TNR: variants seen among roughly 807,000 people sequenced by gnomAD.
TNR encodes the protein tenascin R, also known as tenascin-R.
A neutral mutation model predicts 150.4 loss-of-function variants in TNR; 45 were observed. The observed-to-expected ratio is 0.30, with a 90% CI of 0.24 to 0.38. TNR has a LOEUF of 0.38. TNR is among the 10% of genes least tolerant of loss of function. The pLI is 1.00. For missense variants in TNR, 1,544 were observed against 1,759.1 expected, an observed-to-expected ratio of 0.88 and a Z score of 2.19; for synonymous variants, 687 against 678.4, an observed-to-expected ratio of 1.01 and a Z score of -0.20.
chr1:175,506,457 T>C (rs1557975391), intron 2 of TNR, among the ~76,000 whole-genome samples: 1 of 152,122 alleles, frequency 6.6e-6, no homozygotes, highest in Non-Finnish European at 1.5e-5. Flanking sequence ...TTTTTGGAAA[T>C]AGGACCATTA....
At chr1:175,521,697 A>T (rs1331438927) in intron 2 of TNR, among the ~76,000 whole-genome samples, 3 of 151,592 alleles carry the variant, frequency 2.0e-5, no homozygotes, top group Admixed American at 2.0e-4. Flanking sequence ...TGTCATGCTC[A>T]TTTGGCCTTC....
chr1:175,719,810 C>T (rs1667252059), intron 1 of TNR, among the ~76,000 whole-genome samples: 1 of 152,184 alleles, frequency 6.6e-6, no homozygotes, highest in South Asian at 2.1e-4. Flanking sequence ...TTCTAATACC[C>T]TCCCCATTCT....
chr1:175,595,119 A>G (rs1662958610), intron 1 of TNR, among the ~76,000 whole-genome samples: 1 of 152,100 alleles, frequency 6.6e-6, no homozygotes, highest in Admixed American at 6.5e-5. Flanking sequence ...GTGAGCCAAG[A>G]TTACACCACT....
chr1:175,369,173 G>A (rs570608378), intron 9 of TNR, among the ~76,000 whole-genome samples: 2 of 152,148 alleles, frequency 1.3e-5, no homozygotes, highest in Non-Finnish European at 2.9e-5. Context: ...ACAACCTTGG[G>A]AGGAAGGTGG....
At chr1:175,416,599 T>C (rs1194413896) in intron 2 of TNR, among the ~76,000 whole-genome samples, 2 of 152,200 alleles carry the variant, frequency 1.3e-5, no homozygotes, top group Non-Finnish European at 2.9e-5. Flanking sequence ...CTACATTTAA[T>C]ACAACTGCAA....
At chr1:175,716,770 G>GTGA (rs1433244848) in intron 1 of TNR, among the ~76,000 whole-genome samples, 7 of 152,214 alleles carry the variant, frequency 4.6e-5, no homozygotes, top group Non-Finnish European at 8.8e-5. Context: ...GCCTGCTCAG[G>GTGA]TGACTCTAAT....
intron 1 of TNR, among the ~76,000 whole-genome samples, chr1:175,697,746 T>C (rs1188078191): frequency 6.6e-6 from 1 of 152,228 alleles, no homozygotes; most frequent in South Asian, 2.1e-4. Context: ...GACTTGGCCC[T>C]GCCATGGGCC....
intron 18 of TNR, among the ~76,000 whole-genome samples, chr1:175,345,316 C>A (rs1463371412): frequency 6.6e-6 from 1 of 152,114 alleles, no homozygotes; most frequent in Non-Finnish European, 1.5e-5. Flanking sequence ...GAGCCGATAA[C>A]CCCAAAGGGA....
chr1:175,717,052 C>T (rs370755482), intron 1 of TNR, among the ~76,000 whole-genome samples: 1 of 152,184 alleles, frequency 6.6e-6, no homozygotes, highest in East Asian at 1.9e-4. Flanking sequence ...TGCCCTTCCT[C>T]GTACTATGCT....
chr1:175,486,983 T>C (rs752477836), intron 2 of TNR, among the ~76,000 whole-genome samples: 1 of 152,260 alleles, frequency 6.6e-6, no homozygotes, highest in Non-Finnish European at 1.5e-5. Context: ...TGTTTTTTTC[T>C]TGTAAACTTG....
At chr1:175,353,450 C>T (rs911851722) in intron 18 of TNR, among the ~76,000 whole-genome samples, 2 of 152,128 alleles carry the variant, frequency 1.3e-5, no homozygotes, top group Non-Finnish European at 2.9e-5. Flanking sequence ...CCTTTAGCAG[C>T]GTTTTTCAAG....
At chr1:175,407,966 C>T (rs892775391) in intron 2 of TNR, among the ~76,000 whole-genome samples, 17 of 152,164 alleles carry the variant, frequency 1.1e-4, no homozygotes, top group African/African-American at 3.4e-4. Flanking sequence ...AGGAATATCG[C>T]GATTAGAAAA....
Position 175,315,812 on chromosome 1 carries a change from A to ATGTGTGTGTGTGTG in TNR, c.*7531_*7544dup, listed in dbSNP as rs3030866. 5 of 146,866 alleles carry ATGTGTGTGTGTGTG rather than the reference A, an allele frequency of 3.4e-5. No homozygotes were observed. Among genetic ancestry groups the ATGTGTGTGTGTGTG allele is most frequent in the African/African-American group, 1.0e-4 (4 of 39,770 alleles). The allele number at this position is 146,866 out of a possible 1,614,324, so 9.1% of individuals were successfully genotyped here. A position where few individuals can be genotyped will look rare whatever the true frequency, so the allele number is the denominator to read the frequency against. On this transcript the variant is annotated 3_prime_UTR_variant, in exon 23 of 23. Transcript: ENST00000367674. ...TGTGTGCATGCATGTGTGTGTGTGC[A>ATGTGTGTGTGTGTG]TGTGTGTGTGTGTGTGTGTGTGTGT...
At chr1:175,544,852 T>G (rs560757440) in intron 1 of TNR, among the ~76,000 whole-genome samples, 1 of 152,248 alleles carries the variant, frequency 6.6e-6, no homozygotes, top group East Asian at 1.9e-4. Flanking sequence ...TCTTTTGATA[T>G]CAGGCTTGGG....
intron 1 of TNR, among the ~76,000 whole-genome samples, chr1:175,673,037 C>T (rs1452233529): frequency 2.6e-5 from 4 of 152,116 alleles, no homozygotes; most frequent in African/African-American, 9.7e-5. Flanking sequence ...CCACACAGGG[C>T]CCTTACCAGT....
At chr1:175,337,448 G>T in intron 19 of TNR, 80 bp downstream of exon 19, 2 of 1,555,278 alleles carry the variant, frequency 1.3e-6, no homozygotes, top group Non-Finnish European at 1.8e-6. Context: ...GGATGGTGAA[G>T]TTGGCTTGGC....
chr1:175,559,429 A>G (rs540389347), intron 1 of TNR, among the ~76,000 whole-genome samples: 1 of 152,340 alleles, frequency 6.6e-6, no homozygotes, highest in South Asian at 2.1e-4. Context: ...AGCTTAAGAA[A>G]GAAAACATTT....
chr1:175,504,384 C>T (rs1435338179), intron 2 of TNR, among the ~76,000 whole-genome samples: 9 of 151,966 alleles, frequency 5.9e-5, no homozygotes, highest in Admixed American at 5.9e-4. Flanking sequence ...ACTGCTCCAC[C>T]CAAGCAGAGG....
In TNR at chr1:175,664,031, A is replaced by G. The variant is rs576299337; in HGVS notation, c.-165+79195T>C. ...GGGCTTATGTGGGTGGCATGTGAAC[A>G]GAGTCTGGACCTCACTGCAGGGAGG... On this transcript the variant is annotated intron_variant, in intron 1 of 22. Transcript: ENST00000367674. Among the ~76,000 whole-genome samples, 3 of 152,350 alleles carry G rather than the reference A, an allele frequency of 2.0e-5. No homozygotes were observed. The East Asian group carries it at 5.8e-4, about 29-fold the overall frequency.
Sources: allele counts gnomAD v4.1 joint callset (sites outside exome capture counted in the v4.1 genomes callset), GRCh38; gene constraint gnomAD v4.1.1; transcripts MANE v1.5; gene names NCBI Gene and HGNC (gene_info 2026-07-23, HGNC 2026-07-21).